KIAA0825: variants seen among roughly 807,000 people sequenced by gnomAD.
KIAA0825 encodes the protein uncharacterized protein KIAA0825.
KIAA0825 carries 119 observed loss-of-function variants against 147.6 expected under a neutral mutation model. The observed-to-expected ratio is 0.81, with a 90% CI of 0.69 to 0.94. The LOEUF is 0.94. Among genes scored for constraint, KIAA0825 ranks in the 40% least tolerant of loss-of-function variants. KIAA0825 has a pLI of 0.00. For synonymous variants in KIAA0825, 470 were observed against 518.1 expected, an observed-to-expected ratio of 0.91 and a Z score of 1.26; for missense variants, 1,381 against 1,472.7, an observed-to-expected ratio of 0.94 and a Z score of 1.02.
intron 17 of KIAA0825, among the ~76,000 whole-genome samples, chr5:94,394,101 C>G (rs1750302636): frequency 6.6e-6 from 1 of 152,040 alleles, no homozygotes; most frequent in Admixed American, 6.6e-5. Flanking sequence ...ATCCGCCTGC[C>G]TTAGCCTCCC....
At chr5:94,392,252 C>G (rs373462813) in intron 17 of KIAA0825, among the ~76,000 whole-genome samples, 8 of 152,250 alleles carry the variant, frequency 5.3e-5, no homozygotes, top group East Asian at 3.9e-4. Context: ...GCCTTTGACA[C>G]TTGTTGCCTT....
chr5:94,458,752 TAA>T lies in KIAA0825; in HGVS notation c.2246+3633_2246+3634del, dbSNP rs368585663. ...TGCATTCTGCCAGATACCTTTTTTT[TAA>T]AAAAAAAAAATCATTTTAAATGTGT... On this transcript the variant is annotated intron_variant, in intron 12 of 20. Transcript: ENST00000682413. 3.6e-3 allele frequency among the ~76,000 whole-genome samples: 538 copies of T among 147,852 alleles called. 1 individual carries two copies. The highest frequency in any genetic ancestry group is 0.013 in the African/African-American group (515 of 40,422).
chr5:94,432,128 G>C (rs576154286), intron 14 of KIAA0825, among the ~76,000 whole-genome samples: 1 of 152,048 alleles, frequency 6.6e-6, no homozygotes, highest in Admixed American at 6.6e-5. Context: ...AATATGTTAC[G>C]AGGACAAGCC....
intron 20 of KIAA0825, among the ~76,000 whole-genome samples, chr5:94,169,588 C>A (rs1197830831): frequency 6.8e-6 from 1 of 147,850 alleles, no homozygotes; most frequent in Non-Finnish European, 1.5e-5. Context: ...AAAAAAAGAT[C>A]TAGAATTCAG....
At chr5:94,471,262 A>G (rs62364614) in intron 9 of KIAA0825, among the ~76,000 whole-genome samples, 2 of 151,430 alleles carry the variant, frequency 1.3e-5, no homozygotes, top group Admixed American at 6.6e-5. Context: ...AGATAGTACT[A>G]TCTTACTATC....
rs1031107835 is a variant in KIAA0825 at position 94,462,441 on chromosome 5, T to C, written c.2192A>G (p.Asn731Ser). Residue 731 changes from asparagine (N) to serine (S), a missense_variant, in exon 12 of 21, where the codon AAT (asparagine) becomes AGT (serine). Physicochemically the swap from Asn to Ser is conservative, Grantham distance 46. Transcript: ENST00000682413. ...AATGACTAATGTTGTAAACAGATTA[T>C]TACAATGAGTGTGAATTTTAAAAAT... ...DKIFKIHTHC[N>S]NLFTTLVILT... The C allele has an allele frequency of 4.7e-6, 7 of 1,503,846 alleles. No individual in the cohort carries two copies. The highest frequency in any genetic ancestry group is 1.7e-4 in the Middle Eastern group (1 of 5,772). The allele number at this position is 1,503,846 out of a possible 1,614,324, so 93.2% of individuals were successfully genotyped here.
chr5:94,540,711 T>C (rs890084539), intron 2 of KIAA0825, among the ~76,000 whole-genome samples: 25 of 152,244 alleles, frequency 1.6e-4, no homozygotes, highest in Admixed American at 3.3e-4. Context: ...AAGACAGTTT[T>C]AAACATTATT....
chr5:94,476,001 T>C (rs997209318), intron 7 of KIAA0825, among the ~76,000 whole-genome samples: 4 of 152,186 alleles, frequency 2.6e-5, no homozygotes, highest in South Asian at 2.1e-4. Context: ...AATCACATGG[T>C]TTTCTCTTCT....
At chr5:94,252,906 C>T (rs1217013764) in intron 20 of KIAA0825, among the ~76,000 whole-genome samples, 2 of 152,042 alleles carry the variant, frequency 1.3e-5, no homozygotes, top group African/African-American at 4.8e-5. Flanking sequence ...TACAGCATAA[C>T]TACCTTCGGT....
At chr5:94,485,832 T>G (rs904897771) in intron 5 of KIAA0825, among the ~76,000 whole-genome samples, 14 of 151,768 alleles carry the variant, frequency 9.2e-5, no homozygotes, top group African/African-American at 2.4e-4. Context: ...AAAAGCAAAT[T>G]AAGGTAGCTA....
chr5:94,520,292 G>A lies in KIAA0825; in HGVS notation c.926C>T (p.Thr309Ile), dbSNP rs768867502. The A allele has an allele frequency of 3.5e-5, 56 of 1,613,134 alleles. No homozygotes were observed. Among genetic ancestry groups the A allele is most frequent in the Non-Finnish European group, 4.6e-5 (54 of 1,179,444 alleles). ...FRENAVRVVK[T>I]SKSSSKHRGA... is the part of the protein sequence containing the mutation. ...TCTATGCTTGCTGGAGCTCTTGCTT[G>A]TTTTAACCACACGAACAGCATTTTC... Residue 309 changes from threonine (T) to isoleucine (I), a missense_variant, in exon 5 of 21, where the codon ACA becomes ATA. Physicochemically the swap from Thr to Ile is moderately conservative, Grantham distance 89. Coordinates refer to ENST00000682413, the MANE Select transcript of KIAA0825 (RefSeq NM_001145678.3).
chr5:94,214,006 C>T (rs1312835178), intron 20 of KIAA0825, among the ~76,000 whole-genome samples: 1 of 152,152 alleles, frequency 6.6e-6, no homozygotes, highest in Non-Finnish European at 1.5e-5. Flanking sequence ...GCACACATCA[C>T]ATTCACAATG....
chr5:94,393,294 G>A (rs1314474213), intron 17 of KIAA0825, among the ~76,000 whole-genome samples: 1 of 152,170 alleles, frequency 6.6e-6, no homozygotes, highest in Non-Finnish European at 1.5e-5. Context: ...TCACCATGAT[G>A]AAAAACAATA....
At chr5:94,415,616 A>G (rs562621555) in intron 15 of KIAA0825, 11 of 152,298 alleles carry the variant, frequency 7.2e-5, no homozygotes, top group African/African-American at 1.9e-4. Context: ...ATGGAGCAAC[A>G]ACTTGTATAA....
chr5:94,360,817 G>C (rs1426522426), intron 20 of KIAA0825, among the ~76,000 whole-genome samples: 2 of 152,162 alleles, frequency 1.3e-5, no homozygotes, highest in African/African-American at 4.8e-5. Flanking sequence ...TCTTCCTATG[G>C]ACTAGCTATT....
intron 20 of KIAA0825, among the ~76,000 whole-genome samples, chr5:94,265,220 G>C (rs1187392881): frequency 6.6e-6 from 1 of 152,140 alleles, no homozygotes; most frequent in Non-Finnish European, 1.5e-5. Flanking sequence ...ATAACGTTTT[G>C]CTTTGTCTTT....
intron 6 of KIAA0825, among the ~76,000 whole-genome samples, chr5:94,484,550 A>G (rs1762828870): frequency 6.6e-6 from 1 of 151,832 alleles, no homozygotes; most frequent in Non-Finnish European, 1.5e-5. Context: ...GAATTGATGT[A>G]TGATGCTTTG....
chr5:94,542,500 A>G (rs1773532169), intron 2 of KIAA0825, among the ~76,000 whole-genome samples: 2 of 152,212 alleles, frequency 1.3e-5, no homozygotes, highest in South Asian at 4.1e-4. Context: ...AGTTATTTGC[A>G]TAAGTGCAAT....
At chr5:94,422,583 A>G (rs939241115) in intron 14 of KIAA0825, among the ~76,000 whole-genome samples, 4 of 152,120 alleles carry the variant, frequency 2.6e-5, no homozygotes, top group African/African-American at 9.7e-5. Context: ...GGGTGAGGAA[A>G]GGTATTAGTT....
Sources: gnomAD v4.1 joint callset for allele counts (sites outside exome capture counted in the v4.1 genomes callset) on GRCh38, gnomAD v4.1.1 for gene constraint, MANE v1.5 for transcripts, NCBI Gene and HGNC (gene_info 2026-07-23, HGNC 2026-07-21) for gene names.